The following SLC6A17 variants were observed in gnomAD, a reference collection of about 807,000 sequenced individuals.
SLC6A17 encodes solute carrier family 6 member 17.
SLC6A17 carries 21 observed loss-of-function variants against 64.5 expected under a neutral mutation model. That is an observed-to-expected ratio of 0.33 (90% confidence interval 0.23 to 0.47). The LOEUF is 0.47. SLC6A17 is among the 20% of genes least tolerant of loss of function. The probability of loss-of-function intolerance (pLI) is 1.00; values close to 1 mark genes in which losing one functional copy is unlikely to be tolerated. For missense variants in SLC6A17, 682 were observed against 963.2 expected (o/e 0.71, Z 3.86); for synonymous variants, 372 against 399.5 (o/e 0.93, Z 0.82).
At chr1:110,163,732 CCT>C (rs1420383065) in intron 1 of SLC6A17, among the ~76,000 whole-genome samples, 1 of 152,216 alleles carries the variant, frequency 6.6e-6, no homozygotes, top group Non-Finnish European at 1.5e-5. Context: ...CACACCTCTC[CCT>C]GTCTCCGCCT....
At chr1:110,173,893 G>A (rs763657269) in intron 3 of SLC6A17, 80 bp from the exon 4 acceptor site, 50 of 1,558,000 alleles carry the variant, frequency 3.2e-5, no homozygotes, top group Non-Finnish European at 4.1e-5. Flanking sequence ...CGCTGCCGAC[G>A]TGCTGGGCCT....
At chr1:110,197,376 G>A in intron 10 of SLC6A17, 61 bp from the exon 11 acceptor site, 2 of 1,552,184 alleles carry the variant, frequency 1.3e-6, no homozygotes, top group Non-Finnish European at 1.7e-6. Context: ...GATGGTGATG[G>A]GGGAAGAGGG....
rs113505936 is a variant in SLC6A17 at position 110,178,236 on chromosome 1, T to G, written c.864+1497T>G. Among the ~76,000 whole-genome samples, 217 of 152,310 alleles carry G rather than the reference T, an allele frequency of 1.4e-3. 2 individuals carry two copies. Among genetic ancestry groups the G allele is most frequent in the African/African-American group, 4.9e-3 (202 of 41,550 alleles). ...TAGGAGGAAATTATATGCTCTGGTGTTGTTCCTGAGTGTGGACTTTTACAG... is the reference window on the plus strand; with the variant it reads ...TAGGAGGAAATTATATGCTCTGGTGGTGTTCCTGAGTGTGGACTTTTACAG... On this transcript the variant is annotated intron_variant, in intron 6 of 11. Transcript: ENST00000331565.
At chr1:110,184,171 C>T (rs1304713489) in intron 6 of SLC6A17, among the ~76,000 whole-genome samples, 3 of 152,094 alleles carry the variant, frequency 2.0e-5, no homozygotes, top group Non-Finnish European at 2.9e-5. Context: ...AGTGCAGTGG[C>T]GTGATCTTGG....
intron 3 of SLC6A17, 68 bp from the exon 4 acceptor site, chr1:110,173,905 G>GC: frequency 6.4e-7 from 1 of 1,574,732 alleles, no homozygotes; most frequent in Non-Finnish European, 8.6e-7. Flanking sequence ...GCTGGGCCTC[G>GC]GGTGGAGCGT....
intron 1 of SLC6A17, among the ~76,000 whole-genome samples, chr1:110,153,286 C>T (rs2101835108): frequency 6.6e-6 from 1 of 152,262 alleles, no homozygotes; most frequent in South Asian, 2.1e-4. Flanking sequence ...TTGAAAGTTA[C>T]AAGAGAACTG....
chr1:110,166,725 T>TGA (rs1459207022), intron 1 of SLC6A17, 118 bp from the exon 2 acceptor site: 1 of 558,164 alleles, frequency 1.8e-6, no homozygotes, highest in Non-Finnish European at 3.0e-6. Flanking sequence ...GCTGCATATA[T>TGA]GAGGCCCTTG....
chr1:110,151,988 C>T (rs955349169), intron 1 of SLC6A17, among the ~76,000 whole-genome samples: 1 of 152,124 alleles, frequency 6.6e-6, no homozygotes, highest in African/African-American at 2.4e-5. Context: ...CAAAGACAAT[C>T]CTGTAATGGC....
chr1:110,196,485 G>T (rs1320779768), intron 10 of SLC6A17, among the ~76,000 whole-genome samples: 2 of 152,136 alleles, frequency 1.3e-5, no homozygotes, highest in Non-Finnish European at 2.9e-5. Flanking sequence ...CAGGGAGTGG[G>T]GGGAAGGACA....
intron 3 of SLC6A17, 71 bp from the exon 4 acceptor site, chr1:110,173,902 C>A: frequency 4.6e-6 from 7 of 1,537,456 alleles, no homozygotes; most frequent in South Asian, 2.6e-5. Flanking sequence ...CGTGCTGGGC[C>A]TCGGGTGGAG....
rs373414163 is a variant in SLC6A17, at chr1:110,174,903, C to T, written c.696C>T (p.Leu232=). ...ACTGGAAGATGACCCTGTGCCTCCTCGTGGCCTGGAGCATCGTGGGGATGG... is the reference window on the plus strand; with the variant it reads ...ACTGGAAGATGACCCTGTGCCTCCTTGTGGCCTGGAGCATCGTGGGGATGG... ...GLNWKMTLCL[L]VAWSIVGMAV... Residue 232 remains leucine (L), a synonymous_variant, in exon 5 of 12, where the codon CTC becomes CTT. Coordinates refer to ENST00000331565, the MANE Select transcript of SLC6A17 (RefSeq NM_001010898.4). The T allele has an allele frequency of 2.7e-4, 434 of 1,614,152 alleles. 1 individual carries two copies. The highest frequency in any genetic ancestry group is 3.3e-4 in the Non-Finnish European group (385 of 1,180,008).
At position 110,195,446 on chromosome 1, in the gene SLC6A17, G is replaced by A. The variant is rs1330593876; in HGVS notation, c.1493-140G>A. 7.7e-6 allele frequency: 8 copies of A among 1,033,662 alleles called. No individual in the cohort carries two copies. In the Admixed American group the frequency reaches 1.9e-4, roughly 25 times the overall value. 64.0% of individuals were successfully genotyped at this position (1,033,662 alleles called of 1,614,324 possible). On this transcript the variant is annotated intron_variant, in intron 9 of 11. Transcript: ENST00000331565. ...CCTGAGCATCTGGATCCCTCGTGCA[G>A]GACTGAGCCTGCTGGCAGGAGGGCT...
chr1:110,195,449 C>A, intron 9 of SLC6A17, 137 bp from the exon 10 acceptor site: 1 of 1,061,060 alleles, frequency 9.4e-7, no homozygotes, highest in Non-Finnish European at 1.4e-6. Context: ...TCGTGCAGGA[C>A]TGAGCCTGCT....
At chr1:110,168,201 T>A (rs916533926) in intron 2 of SLC6A17, 1 of 152,250 alleles carries the variant, frequency 6.6e-6, no homozygotes, top group Non-Finnish European at 1.5e-5. Context: ...CCTGAGTCCC[T>A]GTGCCTGGCA....
chr1:110,184,981 C>G (rs1656642267), intron 6 of SLC6A17, among the ~76,000 whole-genome samples: 1 of 152,112 alleles, frequency 6.6e-6, no homozygotes, highest in Admixed American at 6.5e-5. Flanking sequence ...AGTGGGTTCT[C>G]TGCAAGTTCT....
At position 110,200,329 on chromosome 1, in the gene SLC6A17, C is replaced by G. The variant is rs1470640243; in HGVS notation, c.*1885C>G. On this transcript the variant is annotated 3_prime_UTR_variant, in exon 12 of 12. Transcript: ENST00000331565. ...GAGGGGAGAGAGAGACCCACATCTCCCCAAAGAGATGAGCTTTTGGGGCAC... is the reference window on the plus strand; with the variant it reads ...GAGGGGAGAGAGAGACCCACATCTCGCCAAAGAGATGAGCTTTTGGGGCAC... 2.6e-6 allele frequency: 1 copy of G among 378,022 alleles called. No individual in the cohort carries two copies. Among genetic ancestry groups the G allele is most frequent in the Non-Finnish European group, 4.7e-6 (1 of 213,622 alleles). 23.4% of individuals were successfully genotyped at this position (378,022 alleles called of 1,614,324 possible). A position where few individuals can be genotyped will look rare whatever the true frequency, so the allele number is the denominator to read the frequency against.
intron 1 of SLC6A17, among the ~76,000 whole-genome samples, chr1:110,159,110 T>C (rs1399549850): frequency 6.6e-6 from 1 of 152,230 alleles, no homozygotes; most frequent in East Asian, 1.9e-4. Context: ...AATATCTGTT[T>C]GGTGCTCAGC....
Position 110,192,702 on chromosome 1 carries a change from C to G in SLC6A17, c.1299+4C>G, listed in dbSNP as rs369353753. The G allele has an allele frequency of 6.2e-7, 1 of 1,609,368 alleles. No individual in the cohort carries two copies. Among genetic ancestry groups the G allele is most frequent in the Non-Finnish European group, 8.5e-7 (1 of 1,177,254 alleles). On this transcript the variant is annotated splice_donor_region_variant and intron_variant, in intron 8 of 11. Transcript: ENST00000331565. This position sits in a 1 kb window ranked among gnomAD's most constrained non-coding sequence, Gnocchi z 4.3. The stretch of plus-strand genomic sequence containing the variant: ...TCTGGAGGACGAGCTGGACAAGGTG[C>G]GGGGACAGGCTGCCCTTCCCAGGAC...
At chr1:110,190,054 G>A (rs756262237) in intron 6 of SLC6A17, among the ~76,000 whole-genome samples, 4 of 152,174 alleles carry the variant, frequency 2.6e-5, no homozygotes, top group African/African-American at 7.2e-5. Flanking sequence ...CCTCTGCATC[G>A]CCTAGCACCA....
Sources: gnomAD v4.1 joint callset for allele counts (sites outside exome capture counted in the v4.1 genomes callset) on GRCh38, gnomAD v4.1.1 for gene constraint, Gnocchi (gnomAD v3.1) non-coding constraint, MANE v1.5 for transcripts, NCBI Gene and HGNC (gene_info 2026-07-23, HGNC 2026-07-21) for gene names.